NAV3: variants seen among roughly 807,000 people sequenced by gnomAD.
NAV3 encodes the protein pore membrane and/or filament interacting like protein 1.
In NAV3, 87 loss-of-function variants were observed where a neutral mutation model predicts 244.7. The ratio of observed to expected loss-of-function variants is 0.36; its 90% CI spans 0.30 to 0.42. The LOEUF is 0.42. Among genes scored for constraint, NAV3 ranks in the 20% least tolerant of loss-of-function variants. The pLI is 1.00. For synonymous variants in NAV3, 1,126 were observed against 1,042.2 expected (o/e 1.08, Z -1.55); for missense variants, 2,663 against 2,893.3 (o/e 0.92, Z 1.83).
intron 3 of NAV3, among the ~76,000 whole-genome samples, chr12:77,943,378 G>C (rs530421728): frequency 6.6e-6 from 1 of 152,060 alleles, no homozygotes; most frequent in Non-Finnish European, 1.5e-5. Flanking sequence ...GAATCATATC[G>C]AATATTGACT....
intron 2 of NAV3, among the ~76,000 whole-genome samples, chr12:77,789,544 C>T (rs1871077251): frequency 2.7e-5 from 4 of 150,654 alleles, no homozygotes; most frequent in Non-Finnish European, 5.9e-5. Context: ...CGCAGTGGCT[C>T]ATGCCTGTAA....
At chr12:77,990,938 TA>T (rs1341833021) in intron 5 of NAV3, among the ~76,000 whole-genome samples, 1 of 152,250 alleles carries the variant, frequency 6.6e-6, no homozygotes, top group Non-Finnish European at 1.5e-5. Context: ...ATTGTGTTAA[TA>T]ATACACTTGC....
At chr12:78,179,382 TCC>T (rs1403978116) in intron 28 of NAV3, 145 bp from the exon 29 acceptor site, 11 of 803,084 alleles carry the variant, frequency 1.4e-5, no homozygotes, top group Non-Finnish European at 2.1e-5. Context: ...TTTGTAAAAC[TCC>T]TTCTCCTTTT....
At chr12:78,099,811 G>GA (rs1400369459) in intron 12 of NAV3, among the ~76,000 whole-genome samples, 6 of 151,794 alleles carry the variant, frequency 4.0e-5, no homozygotes. Flanking sequence ...AAAAAAAATA[G>GA]ATGTTTCTAC....
intron 1 of NAV3, among the ~76,000 whole-genome samples, chr12:77,901,845 G>T (rs12311041): frequency 0.37 from 56,590 of 151,994 alleles, 11,135 homozygotes; most frequent in East Asian, 0.45. Flanking sequence ...ATTAGTTTCT[G>T]TTTGGAGTCC....
chr12:77,789,207 G>A (rs150899994), intron 2 of NAV3, among the ~76,000 whole-genome samples: 3 of 152,262 alleles, frequency 2.0e-5, no homozygotes, highest in African/African-American at 7.2e-5. Flanking sequence ...CTTTGCCAGA[G>A]TGAGATTTCC....
At chr12:78,067,980 G>A (rs968241924) in intron 12 of NAV3, among the ~76,000 whole-genome samples, 1 of 151,872 alleles carries the variant, frequency 6.6e-6, no homozygotes, top group Non-Finnish European at 1.5e-5. Context: ...GAGGAAAGGA[G>A]GAGAAAAGAG....
intron 9 of NAV3, among the ~76,000 whole-genome samples, chr12:78,038,244 C>T (rs1336958662): frequency 2.6e-5 from 4 of 152,172 alleles, no homozygotes; most frequent in African/African-American, 9.7e-5. Context: ...AATATATTTA[C>T]ATCACACAGT....
At chr12:77,696,966 T>TG (rs1379461529) in intron 2 of NAV3, among the ~76,000 whole-genome samples, 3 of 152,170 alleles carry the variant, frequency 2.0e-5, no homozygotes, top group African/African-American at 7.2e-5. Flanking sequence ...TCATCTTTGG[T>TG]GATATAGTTG....
intron 12 of NAV3, among the ~76,000 whole-genome samples, chr12:78,099,484 A>G (rs1250915165): frequency 6.6e-6 from 1 of 151,780 alleles, no homozygotes; most frequent in Non-Finnish European, 1.5e-5. Context: ...CCTTTTATGT[A>G]TTTCTGCACT....
At chr12:77,600,522 G>A (rs1870377947) in intron 2 of NAV3, among the ~76,000 whole-genome samples, 1 of 151,936 alleles carries the variant, frequency 6.6e-6, no homozygotes, top group Non-Finnish European at 1.5e-5. Flanking sequence ...ATGGGGAAAA[G>A]CCACATTGTA....
intron 5 of NAV3, among the ~76,000 whole-genome samples, chr12:77,970,681 CAT>C (rs916845470): frequency 6.6e-6 from 1 of 151,962 alleles, no homozygotes; most frequent in South Asian, 2.1e-4. Flanking sequence ...GTATAAGACT[CAT>C]AGTGGAAAAT....
intron 1 of NAV3, among the ~76,000 whole-genome samples, chr12:77,869,314 G>GT (rs887426163): frequency 1.4e-4 from 21 of 152,050 alleles, no homozygotes; most frequent in African/African-American, 5.1e-4. Flanking sequence ...TGGGGGCAAG[G>GT]TTTTTGAGTC....
At chr12:78,069,217 G>C (rs1952630011) in intron 12 of NAV3, among the ~76,000 whole-genome samples, 1 of 151,832 alleles carries the variant, frequency 6.6e-6, no homozygotes, top group Non-Finnish European at 1.5e-5. Context: ...TTTTTTTAAA[G>C]CCTTACCAGA....
At chr12:77,818,678 G>T (rs1170971409) in intron 2 of NAV3, among the ~76,000 whole-genome samples, 2 of 151,914 alleles carry the variant, frequency 1.3e-5, no homozygotes, top group Non-Finnish European at 2.9e-5. Context: ...AGTATCTGAT[G>T]GTCTCCATTA....
intron 1 of NAV3, among the ~76,000 whole-genome samples, chr12:77,860,942 C>T (rs999137833): frequency 6.6e-6 from 1 of 151,838 alleles, no homozygotes. Context: ...TGGCTGTACC[C>T]TACAATATTC....
intron 1 of NAV3, among the ~76,000 whole-genome samples, chr12:77,900,075 A>ATT (rs201444499): frequency 1.0e-4 from 13 of 127,290 alleles, no homozygotes; most frequent in East Asian, 6.8e-4. Flanking sequence ...ATTGTTCTCA[A>ATT]TTTTTTTTTT....
At chr12:77,625,474 C>G (rs1871575988) in intron 2 of NAV3, among the ~76,000 whole-genome samples, 1 of 147,130 alleles carries the variant, frequency 6.8e-6, no homozygotes, top group African/African-American at 2.7e-5. Context: ...GAAAATAAGA[C>G]TATAAAAAAA....
chr12:78,008,955 C>T (rs573377666), intron 8 of NAV3, among the ~76,000 whole-genome samples: 2 of 152,126 alleles, frequency 1.3e-5, no homozygotes, highest in Non-Finnish European at 2.9e-5. Flanking sequence ...ATGTCATACT[C>T]AGCACACTTT....
Sources: allele counts gnomAD v4.1 joint callset (sites outside exome capture counted in the v4.1 genomes callset), GRCh38; gene constraint gnomAD v4.1.1; transcripts MANE v1.5; gene names NCBI Gene and HGNC (gene_info 2026-07-23, HGNC 2026-07-21).